Variants in KCNN3 observed in about 807,000 individuals in gnomAD.
KCNN3 encodes small conductance calcium-activated potassium channel protein 3.
In KCNN3, 16 loss-of-function variants were observed where a neutral mutation model predicts 62.9. The ratio of observed to expected loss-of-function variants is 0.25; its 90% CI spans 0.17 to 0.39. The LOEUF (loss-of-function observed/expected upper bound fraction) is 0.39. Ranked by LOEUF, KCNN3 falls within the 10% of genes least tolerant of loss-of-function variation. KCNN3 has a pLI of 1.00. For missense variants in KCNN3, 599 were observed against 949.4 expected (o/e 0.63, Z 4.85); for synonymous variants, 370 against 389.2 (o/e 0.95, Z 0.58).
chr1:154,751,683 CT>C (rs11301554), intron 3 of KCNN3, among the ~76,000 whole-genome samples: 2,197 of 152,284 alleles, frequency 0.014, 52 homozygotes, highest in African/African-American at 0.05. Context: ...TCCCCCTCCC[CT>C]GACTCCTCCC....
At chr1:154,726,835 G>A (rs1368594434) in intron 4 of KCNN3, among the ~76,000 whole-genome samples, 1 of 152,188 alleles carries the variant, frequency 6.6e-6, no homozygotes, top group Non-Finnish European at 1.5e-5. Flanking sequence ...AGTCTGCTCG[G>A]TAGGTCCGTG....
At chr1:154,733,586 C>T (rs1383040571) in intron 3 of KCNN3, among the ~76,000 whole-genome samples, 1 of 152,148 alleles carries the variant, frequency 6.6e-6, no homozygotes, top group Non-Finnish European at 1.5e-5. Flanking sequence ...TCAGCGATTT[C>T]CTCTAAGAAA....
intron 3 of KCNN3, among the ~76,000 whole-genome samples, chr1:154,756,090 AAAGAAGG>A (rs1197049146): frequency 5.6e-5 from 6 of 106,644 alleles, no homozygotes; most frequent in African/African-American, 8.4e-5. Context: ...GAGGAGGGGG[AAAGAAGG>A]AAGAAGGAAG....
chr1:154,728,251 A>G (rs75895890), intron 4 of KCNN3, among the ~76,000 whole-genome samples: 4 of 152,202 alleles, frequency 2.6e-5, no homozygotes, highest in Non-Finnish European at 4.4e-5. Flanking sequence ...CATGATGAAG[A>G]TAAATTTCTC....
intron 3 of KCNN3, among the ~76,000 whole-genome samples, chr1:154,771,735 A>G (rs1386452234): frequency 6.6e-6 from 1 of 152,230 alleles, no homozygotes; most frequent in Non-Finnish European, 1.5e-5. Flanking sequence ...TTTGCAAAGA[A>G]GGAACAGAAA....
chr1:154,736,846 A>G (rs1700721679), intron 3 of KCNN3, among the ~76,000 whole-genome samples: 1 of 152,154 alleles, frequency 6.6e-6, no homozygotes, highest in Admixed American at 6.5e-5. Context: ...CATTCACCAT[A>G]ATAAACTCCT....
intron 3 of KCNN3, among the ~76,000 whole-genome samples, chr1:154,771,350 C>T (rs1048584921): frequency 2.6e-5 from 4 of 152,168 alleles, no homozygotes; most frequent in Non-Finnish European, 5.9e-5. Flanking sequence ...AAGTATGTTC[C>T]ATCAGTACAG....
intron 2 of KCNN3, among the ~76,000 whole-genome samples, chr1:154,790,308 C>G (rs141632633): frequency 1.3e-5 from 2 of 152,206 alleles, no homozygotes; most frequent in African/African-American, 4.8e-5. Context: ...ACAGATACTC[C>G]TTAACTTATG....
chr1:154,732,600 G>T (rs1035523769), intron 4 of KCNN3, among the ~76,000 whole-genome samples: 2 of 152,152 alleles, frequency 1.3e-5, no homozygotes, highest in Non-Finnish European at 2.9e-5. Context: ...CAGAAATGGT[G>T]CCAAGGTCAG....
In KCNN3 at chr1:154,698,035, A is replaced by G. The variant is rs1255412448; in HGVS notation, c.*9941T>C. ...TTATTTAGTAATCACTGAGTTGGTA[A>G]ATGTATTCATTCATATGGAGTTTTT... On this transcript the variant is annotated 3_prime_UTR_variant, in exon 8 of 8. Coordinates refer to ENST00000271915, the MANE Select transcript of KCNN3 (RefSeq NM_002249.6). 1.3e-5 allele frequency: 2 copies of G among 152,202 alleles called. No homozygotes were observed. Among genetic ancestry groups the G allele is most frequent in the Non-Finnish European group, 2.9e-5 (2 of 68,030 alleles). The allele number at this position is 152,202 out of a possible 1,614,324, so 9.4% of individuals were successfully genotyped here. A position where few individuals can be genotyped will look rare whatever the true frequency, so the allele number is the denominator to read the frequency against.
At position 154,865,463 on chromosome 1, in the gene KCNN3, A is replaced by G. The variant is rs116839452; in HGVS notation, c.933+3569T>C. Among the ~76,000 whole-genome samples the G allele has an allele frequency of 3.8e-3, 573 of 152,282 alleles. 4 individuals carry two copies. The highest frequency in any genetic ancestry group is 6.7e-3 in the Non-Finnish European group (457 of 68,012). Reference sequence around the variant, plus strand: ...CGTTTGATCTCATGTCCCAGGCATAATAATGAGAAGCTCTCCTCTTATCTG... The same window carrying G: ...CGTTTGATCTCATGTCCCAGGCATAGTAATGAGAAGCTCTCCTCTTATCTG... On this transcript the variant is annotated intron_variant, in intron 1 of 7. Transcript: ENST00000271915.
intron 1 of KCNN3, among the ~76,000 whole-genome samples, chr1:154,865,958 C>T (rs148726926): frequency 3.1e-4 from 47 of 152,298 alleles, no homozygotes; most frequent in African/African-American, 1.1e-3. Context: ...TGCCTCCAGA[C>T]TGGTCAGCAG....
chr1:154,784,060 C>G (rs1206333383), intron 2 of KCNN3, among the ~76,000 whole-genome samples: 2 of 152,096 alleles, frequency 1.3e-5, no homozygotes, highest in Admixed American at 1.3e-4. Context: ...TTCCAAGCCC[C>G]CAGAGACCAG....
intron 3 of KCNN3, among the ~76,000 whole-genome samples, chr1:154,739,060 A>G (rs141567213): frequency 4.7e-4 from 71 of 152,376 alleles, no homozygotes; most frequent in African/African-American, 1.0e-3. Flanking sequence ...CCAAAGCATC[A>G]AAAGGTAGCA....
chr1:154,812,573 G>A (rs917889077), intron 2 of KCNN3, among the ~76,000 whole-genome samples: 1 of 152,162 alleles, frequency 6.6e-6, no homozygotes, highest in African/African-American at 2.4e-5. Flanking sequence ...CTATTAAGCT[G>A]AGCACTTGTT....
At chr1:154,732,856 T>G in intron 4 of KCNN3, 147 bp downstream of exon 4, 1 of 792,072 alleles carries the variant, frequency 1.3e-6, no homozygotes, top group Admixed American at 2.0e-5. Flanking sequence ...CACCTGACAT[T>G]TTATGTGTAG....
chr1:154,787,524 C>T (rs1293428878), intron 2 of KCNN3, among the ~76,000 whole-genome samples: 10 of 152,178 alleles, frequency 6.6e-5, no homozygotes, highest in African/African-American at 1.2e-4. Context: ...GCTAGAGATG[C>T]GCAGAAGCAA....
intron 2 of KCNN3, among the ~76,000 whole-genome samples, chr1:154,799,536 C>A (rs1649868390): frequency 1.3e-5 from 2 of 152,214 alleles, no homozygotes; most frequent in Non-Finnish European, 2.9e-5. Flanking sequence ...TTGGAGCCCA[C>A]AGAGACTTTC....
chr1:154,787,525 G>A (rs1247043589), intron 2 of KCNN3, among the ~76,000 whole-genome samples: 4 of 152,208 alleles, frequency 2.6e-5, no homozygotes, highest in South Asian at 2.1e-4. Context: ...CTAGAGATGC[G>A]CAGAAGCAAA....
Sources: allele counts gnomAD v4.1 joint callset (sites outside exome capture counted in the v4.1 genomes callset), GRCh38; gene constraint gnomAD v4.1.1; transcripts MANE v1.5; gene names NCBI Gene and HGNC (gene_info 2026-07-23, HGNC 2026-07-21).